Variants in TRANK1 observed in about 807,000 individuals in gnomAD.
TRANK1 encodes the protein TPR and ankyrin repeat-containing protein 1.
In TRANK1, 198 loss-of-function variants were observed where a neutral mutation model predicts 266.0. That is an observed-to-expected ratio of 0.74 (90% confidence interval 0.66 to 0.84). The LOEUF (loss-of-function observed/expected upper bound fraction) is 0.84. Among genes scored for constraint, TRANK1 ranks in the 40% least tolerant of loss-of-function variants. TRANK1 has a pLI of 0.00. For missense variants in TRANK1, 3,326 were observed against 3,634.6 expected, an observed-to-expected ratio of 0.92 and a Z score of 2.18; for synonymous variants, 1,396 against 1,384.1, an observed-to-expected ratio of 1.01 and a Z score of -0.19.
chr3:36,855,478 T>C lies in TRANK1; in HGVS notation c.4244A>G (p.Tyr1415Cys). ...CTTCGACAGCCTCCGGGATATGTTGTACAGAACATCCTCTTCATCAAAATA... is the reference window on the plus strand; with the variant it reads ...CTTCGACAGCCTCCGGGATATGTTGCACAGAACATCCTCTTCATCAAAATA... ...KGYFDEEDVL[Y>C]NISRRLSKLR... Residue 1415 changes from tyrosine (Y) to cysteine (C), a missense_variant, in exon 13 of 24, where the codon TAC (tyrosine) becomes TGC (cysteine). Tyr to Cys is a radical substitution (Grantham distance 194). Coordinates refer to ENST00000645898, the MANE Select transcript of TRANK1 (RefSeq NM_001329998.2). The C allele has an allele frequency of 6.2e-7, 1 of 1,613,990 alleles. No homozygotes were observed. Among genetic ancestry groups the C allele is most frequent in the Non-Finnish European group, 8.5e-7 (1 of 1,179,888 alleles).
intron 1 of TRANK1, among the ~76,000 whole-genome samples, chr3:36,935,570 C>G (rs970748576): frequency 2.6e-5 from 4 of 151,562 alleles, no homozygotes; most frequent in Non-Finnish European, 4.4e-5. Context: ...CCTGTCTCAG[C>G]CTCCCGAGTA....
chr3:36,890,157 C>T (rs960361400), intron 7 of TRANK1, among the ~76,000 whole-genome samples, 197 bp from the exon 8 acceptor site: 3 of 152,148 alleles, frequency 2.0e-5, no homozygotes, highest in Non-Finnish European at 4.4e-5. Flanking sequence ...GAGATGCAGG[C>T]GTTTGTCAAG....
At chr3:36,886,467 G>A (rs1252055077) in intron 8 of TRANK1, among the ~76,000 whole-genome samples, 2 of 152,060 alleles carry the variant, frequency 1.3e-5, no homozygotes, top group African/African-American at 2.4e-5. Flanking sequence ...GGGTTTCTGT[G>A]TTTATAAGAA....
intron 18 of TRANK1, 56 bp downstream of exon 18, chr3:36,842,566 T>C: frequency 6.7e-7 from 1 of 1,492,496 alleles, no homozygotes; most frequent in Non-Finnish European, 9.3e-7. Context: ...GAAACCTGCC[T>C]GTGAGGTCTG....
Position 36,831,426 on chromosome 3 carries a change from T to C in TRANK1, c.8157A>G (p.Ile2719Met), listed in dbSNP as rs1262655069. 1.2e-6 allele frequency: 2 copies of C among 1,613,066 alleles called. No homozygotes were observed. The highest frequency in any genetic ancestry group is 2.2e-5 in the East Asian group (1 of 44,838). Residue 2719 changes from isoleucine (I) to methionine (M), a missense_variant, in exon 22 of 24, where the codon ATA becomes ATG. Physicochemically the swap from Ile to Met is conservative, Grantham distance 10. Transcript: ENST00000645898. This position sits in a 1 kb window ranked among gnomAD's most constrained non-coding sequence, Gnocchi z 5.0. ...GGCATGCCCTCCTCAACTTCCGCTG[T>C]ATGGAGGCCTTCCGTTGCTTTTGGG... ...ILSQKQRKASIQRKLRRACLV... is the reference protein window; with the variant it reads ...ILSQKQRKASMQRKLRRACLV...
At chr3:36,912,385 A>G (rs922221211) in intron 1 of TRANK1, among the ~76,000 whole-genome samples, 12 of 152,176 alleles carry the variant, frequency 7.9e-5, no homozygotes, top group Non-Finnish European at 1.6e-4. Flanking sequence ...AGGCTAAAAG[A>G]TCAGCACCCA....
intron 18 of TRANK1, 105 bp from the exon 19 acceptor site, chr3:36,838,821 T>C: frequency 8.7e-7 from 1 of 1,145,120 alleles, no homozygotes. Flanking sequence ...ACATGAAGTC[T>C]TGCTCCAGCC....
chr3:36,843,330 C>G (rs2078873617), intron 17 of TRANK1, among the ~76,000 whole-genome samples: 1 of 152,096 alleles, frequency 6.6e-6, no homozygotes, highest in Admixed American at 6.5e-5. Flanking sequence ...AATCAGAAGA[C>G]AGAAATTAAA....
intron 1 of TRANK1, among the ~76,000 whole-genome samples, chr3:36,917,036 G>C (rs1483208614): frequency 1.3e-5 from 2 of 151,920 alleles, no homozygotes; most frequent in Non-Finnish European, 1.5e-5. Flanking sequence ...GGCTGGTCTC[G>C]AACTCCTGAC....
chr3:36,847,147 T>G (rs1218930950), intron 16 of TRANK1, 53 bp downstream of exon 16: 1 of 1,547,454 alleles, frequency 6.5e-7, no homozygotes, highest in Admixed American at 1.8e-5. Context: ...CTTCCAAGCC[T>G]TTTTCACTAC....
At position 36,832,974 on chromosome 3, in the gene TRANK1, A is replaced by T; in HGVS notation, c.6609T>A (p.Asp2203Glu). ...MRFIVGLKCE[D>E]ENCEHFHRPL... ...GCCTGTGAAAATGTTCACAGTTTTC[A>T]TCCTCACATTTTAAGCCTACAATAA... Residue 2203 changes from aspartate to glutamate, a missense_variant, in exon 22 of 24, where the codon GAT becomes GAA. Transcript: ENST00000645898. 3.1e-6 allele frequency: 5 copies of T among 1,611,432 alleles called. No homozygotes were observed. The highest frequency in any genetic ancestry group is 4.2e-6 in the Non-Finnish European group (5 of 1,178,498).
In TRANK1 at chr3:36,846,207, C is replaced by T. The variant is rs780648141; in HGVS notation, c.5191+41G>A. On this transcript the variant is annotated intron_variant, in intron 17 of 23. Coordinates refer to ENST00000645898, the MANE Select transcript of TRANK1 (RefSeq NM_001329998.2). Reference sequence around the variant, plus strand: ...ACCATAAGAACAGTTGAGAGAAACACGATTCCTCCATCAGTTAAGAGTATT... The same window carrying T: ...ACCATAAGAACAGTTGAGAGAAACATGATTCCTCCATCAGTTAAGAGTATT... 113 of 1,516,864 alleles carry T rather than the reference C, an allele frequency of 7.4e-5. 2 individuals carry two copies. The South Asian group carries it at 1.2e-3, about 16-fold the overall frequency. 94.0% of individuals were successfully genotyped at this position (1,516,864 alleles called of 1,614,324 possible).
intron 5 of TRANK1, among the ~76,000 whole-genome samples, chr3:36,894,253 A>G (rs717734): frequency 0.32 from 48,514 of 151,762 alleles, 8,540 homozygotes; most frequent in East Asian, 0.56. Context: ...CTCTATTCAT[A>G]TCCACCCCAC....
rs117446855 is a variant in TRANK1 at position 36,908,513 on chromosome 3, C to T, written c.24-59G>A. On this transcript the variant is annotated intron_variant, in intron 1 of 23. Coordinates refer to ENST00000645898, the MANE Select transcript of TRANK1 (RefSeq NM_001329998.2). ...ACCCGTGCAGGGCATGTTCACCTTCCGGTCTGCATTGCTGAAATCTGGAGA... is the reference window on the plus strand; with the variant it reads ...ACCCGTGCAGGGCATGTTCACCTTCTGGTCTGCATTGCTGAAATCTGGAGA... 164 of 1,232,032 alleles carry T rather than the reference C, an allele frequency of 1.3e-4. No homozygotes were observed. In the East Asian group the frequency reaches 4.9e-3, roughly 37 times the overall value. The allele number at this position is 1,232,032 out of a possible 1,614,324, so 76.3% of individuals were successfully genotyped here. A position where few individuals can be genotyped will look rare whatever the true frequency, so the allele number is the denominator to read the frequency against.
chr3:36,827,647 A>G lies in TRANK1; in HGVS notation c.*628T>C, dbSNP rs1198787459. 1 of 152,430 alleles carries G rather than the reference A, an allele frequency of 6.6e-6. No individual in the cohort carries two copies. Among genetic ancestry groups the G allele is most frequent in the Non-Finnish European group, 1.5e-5 (1 of 68,052 alleles). The allele number at this position is 152,430 out of a possible 1,614,324, so 9.4% of individuals were successfully genotyped here. A position where few individuals can be genotyped will look rare whatever the true frequency, so the allele number is the denominator to read the frequency against. ...CTGTGACTTGGCACAGGTAGCTAAG[A>G]ATGATCACAAAAAACAGAAGAAGGG... On this transcript the variant is annotated 3_prime_UTR_variant, in exon 24 of 24. Coordinates refer to ENST00000645898, the MANE Select transcript of TRANK1 (RefSeq NM_001329998.2).
At chr3:36,939,256 A>AACAC (rs1301836466) in intron 1 of TRANK1, among the ~76,000 whole-genome samples, 2 of 129,310 alleles carry the variant, frequency 1.5e-5, no homozygotes, top group African/African-American at 3.1e-5. Flanking sequence ...TTCCCATTCT[A>AACAC]ACATACACAC....
chr3:36,896,669 C>T (rs112873833), intron 4 of TRANK1, among the ~76,000 whole-genome samples: 1,694 of 152,270 alleles, frequency 0.011, 31 homozygotes, highest in African/African-American at 0.039. Context: ...CCCATAACTC[C>T]GGCCTGGCTT....
intron 1 of TRANK1, among the ~76,000 whole-genome samples, chr3:36,941,517 A>T (rs2080496288): frequency 6.6e-6 from 1 of 152,230 alleles, no homozygotes; most frequent in African/African-American, 2.4e-5. Context: ...AACAAAAACA[A>T]ACAAGGCAAT....
At position 36,838,619 on chromosome 3, in the gene TRANK1, C is replaced by G. The variant is rs1214419141; in HGVS notation, c.5378G>C (p.Ser1793Thr). 1.9e-6 allele frequency: 3 copies of G among 1,613,810 alleles called. No homozygotes were observed. Among genetic ancestry groups the G allele is most frequent in the African/African-American group, 1.3e-5 (1 of 74,948 alleles). Reference protein sequence around the residue: ...TALSMKSKKVSPKEKQLEYLE... With the variant: ...TALSMKSKKVTPKEKQLEYLE... ...GTGATCCCAAGACTCTTACTTGGGG[C>G]TGACTTTCTTGGATTTCATGCTCAG... Residue 1793 changes from serine to threonine, a missense_variant, in exon 19 of 24, where the codon AGC (serine) becomes ACC (threonine). By Grantham distance (58) the Ser-to-Thr change is moderately conservative. Coordinates refer to ENST00000645898, the MANE Select transcript of TRANK1 (RefSeq NM_001329998.2).
Sources: allele counts gnomAD v4.1 joint callset (sites outside exome capture counted in the v4.1 genomes callset), GRCh38; gene constraint gnomAD v4.1.1; non-coding constraint Gnocchi (gnomAD v3.1); transcripts MANE v1.5; gene names NCBI Gene and HGNC (gene_info 2026-07-23, HGNC 2026-07-21).